SBNO1: variants seen among roughly 807,000 people sequenced by gnomAD.
The protein encoded by SBNO1 is protein strawberry notch homolog 1.
In SBNO1, 23 loss-of-function variants were observed where a neutral mutation model predicts 173.6. The ratio of observed to expected loss-of-function variants is 0.13; its 90% CI spans 0.10 to 0.19. The LOEUF is 0.19. Among genes scored for constraint, SBNO1 ranks in the 10% least tolerant of loss-of-function variants. SBNO1 has a pLI of 1.00. For missense variants in SBNO1, 1,238 were observed against 1,671.2 expected, an observed-to-expected ratio of 0.74 and a Z score of 4.52; for synonymous variants, 632 against 571.5, an observed-to-expected ratio of 1.11 and a Z score of -1.51.
chr12:123,298,102 A>G lies in SBNO1; in HGVS notation c.3915T>C (p.Tyr1305=), dbSNP rs756877421. The part of the protein sequence containing the change: ...CEIGLRCRTY[Y]VLCGSVLSVW... ...CACTCAGCACTGAACCACATAATAC[A>G]TAATATGTACGGCAACGAAGACCTA... Residue 1305 remains tyrosine, a synonymous_variant, in exon 31 of 32, where the codon TAT becomes TAC. Transcript: ENST00000602398. 6 of 1,611,860 alleles carry G rather than the reference A, an allele frequency of 3.7e-6. No homozygotes were observed. The highest frequency in any genetic ancestry group is 2.7e-5 in the African/African-American group (2 of 74,784).
intron 4 of SBNO1, among the ~76,000 whole-genome samples, chr12:123,344,155 C>T (rs190480640): frequency 1.3e-5 from 2 of 152,196 alleles, no homozygotes; most frequent in South Asian, 2.1e-4. Flanking sequence ...ATCCAAAGAC[C>T]GTAACGAGAA....
chr12:123,362,610 TA>T (rs1255462440), intron 1 of SBNO1, among the ~76,000 whole-genome samples: 4 of 143,260 alleles, frequency 2.8e-5, no homozygotes, highest in Admixed American at 7.0e-5. Context: ...GCCAACTACA[TA>T]AAAAAAAATT....
chr12:123,334,292 T>C, intron 6 of SBNO1, 79 bp from the exon 7 acceptor site: 1 of 876,314 alleles, frequency 1.1e-6, no homozygotes. Context: ...GATATTTCAA[T>C]GTTTTTCTTA....
chr12:123,326,029 G>T (rs969542531), intron 14 of SBNO1, 123 bp downstream of exon 14: 1 of 618,608 alleles, frequency 1.6e-6, no homozygotes, highest in East Asian at 2.8e-5. Context: ...TTTAAGAAAT[G>T]TATTTTTTAG....
intron 20 of SBNO1, among the ~76,000 whole-genome samples, chr12:123,318,562 T>C (rs1208404502): frequency 6.6e-6 from 1 of 150,460 alleles, no homozygotes; most frequent in Non-Finnish European, 1.5e-5. Context: ...GTGAAACCTG[T>C]CTCTATCAAA....
intron 7 of SBNO1, among the ~76,000 whole-genome samples, chr12:123,332,914 G>A (rs1410243631): frequency 6.6e-6 from 1 of 152,124 alleles, no homozygotes; most frequent in African/African-American, 2.4e-5. Flanking sequence ...CATGAGGTCA[G>A]GAGATCGAGA....
Position 123,334,211 on chromosome 12 carries a change from T to G in SBNO1, c.751A>C (p.Lys251Gln). 2.6e-6 allele frequency: 4 copies of G among 1,552,008 alleles called. No individual in the cohort carries two copies. Among genetic ancestry groups the G allele is most frequent in the Non-Finnish European group, 3.5e-6 (4 of 1,151,686 alleles). ...TYAEYMPIKL[K>Q]IGLRHPDAVV... ...GCATCTGGATGACGTAGGCCAATTT[T>G]TACTAAACAAAAATGTAAAAACATT... is the stretch of plus-strand genomic sequence containing the variant. Residue 251 changes from lysine to glutamine, a missense_variant and splice_region_variant, in exon 7 of 32, where the codon AAA becomes CAA. By Grantham distance (53) the Lys-to-Gln change is moderately conservative (BLOSUM62 1). Coordinates refer to ENST00000602398, the MANE Select transcript of SBNO1 (RefSeq NM_001167856.3).
Position 123,320,422 on chromosome 12 carries a change from G to C in SBNO1, c.2667+10C>G, listed in dbSNP as rs1310245527. On this transcript the variant is annotated intron_variant, in intron 19 of 31. Transcript: ENST00000602398. ...GCAAAAATGTCACCAAGAGATACAG[G>C]CCTATTTACCTCAGCAACGTTCTCA... The C allele has an allele frequency of 6.2e-7, 1 of 1,609,178 alleles. No homozygotes were observed. The highest frequency in any genetic ancestry group is 1.3e-5 in the African/African-American group (1 of 74,654).
intron 1 of SBNO1, among the ~76,000 whole-genome samples, chr12:123,358,659 C>T (rs1363816476): frequency 1.5e-5 from 2 of 131,922 alleles, no homozygotes; most frequent in East Asian, 2.5e-4. Context: ...AGGAGAATGG[C>T]GTGAACCCAG....
rs2048514087 is a variant in SBNO1, at chr12:123,291,679, T to A, written c.*4229A>T. On this transcript the variant is annotated 3_prime_UTR_variant, in exon 32 of 32. Coordinates refer to ENST00000602398, the MANE Select transcript of SBNO1 (RefSeq NM_001167856.3). ...AATGAAAAGTTTTCCATACTTTTCTTAAAAAAAAAAAAAAAAAAAAGTCAT... is the reference window on the plus strand; with the variant it reads ...AATGAAAAGTTTTCCATACTTTTCTAAAAAAAAAAAAAAAAAAAAAGTCAT... The A allele has an allele frequency of 5.1e-5, 6 of 118,620 alleles. No homozygotes were observed. Among genetic ancestry groups the A allele is most frequent in the Admixed American group, 1.7e-4 (2 of 11,540 alleles). The allele number at this position is 118,620 out of a possible 1,614,324, so 7.3% of individuals were successfully genotyped here. A position where few individuals can be genotyped will look rare whatever the true frequency, so the allele number is the denominator to read the frequency against.
rs752931905 is a variant in SBNO1 at position 123,320,515 on chromosome 12, G to C, written c.2584C>G (p.Leu862Val). The C allele has an allele frequency of 1.2e-6, 2 of 1,614,016 alleles. No homozygotes were observed. Among genetic ancestry groups the C allele is most frequent in the Non-Finnish European group, 1.7e-6 (2 of 1,179,972 alleles). Reference protein sequence around the residue: ...QQMKKDLLDKLEKLAEDLPPN... With the variant: ...QQMKKDLLDKVEKLAEDLPPN... ...GGGAGGTCTTCAGCTAATTTTTCTA[G>C]CTTATCAAGCAGGTCTTTCTTCATC... is the stretch of plus-strand genomic sequence containing the variant. The change falls in exon 19 of 32, where the codon CTA becomes GTA. Residue 862 changes from leucine to valine, a missense_variant. By Grantham distance (32) the Leu-to-Val change is conservative (BLOSUM62 1). This residue lies in a region of SBNO1 where 74 missense variants were observed against 68.5 expected (regional missense o/e 1.08). Transcript: ENST00000602398.
At chr12:123,312,801 T>G (rs932290219) in intron 24 of SBNO1, among the ~76,000 whole-genome samples, 1 of 152,010 alleles carries the variant, frequency 6.6e-6, no homozygotes, top group Non-Finnish European at 1.5e-5. Context: ...TAAACAACTG[T>G]GAATTCATGG....
At chr12:123,345,643 G>T in intron 3 of SBNO1, 73 bp from the exon 4 acceptor site, 2 of 1,266,216 alleles carry the variant, frequency 1.6e-6, no homozygotes, top group Middle Eastern at 1.9e-4. Context: ...CACAAACCTG[G>T]AAGGACAACT....
intron 1 of SBNO1, among the ~76,000 whole-genome samples, chr12:123,360,590 G>C (rs563968279): frequency 1.3e-5 from 2 of 151,870 alleles, no homozygotes; most frequent in South Asian, 4.2e-4. Flanking sequence ...GATTATAGGT[G>C]CGGATCACCA....
intron 24 of SBNO1, among the ~76,000 whole-genome samples, chr12:123,313,125 C>T (rs1868801956): frequency 1.3e-5 from 2 of 151,568 alleles, no homozygotes; most frequent in Admixed American, 1.3e-4. Flanking sequence ...ATGGCTTGAA[C>T]CTGTTGGCAG....
At chr12:123,331,724 G>A (rs1871233778) in intron 7 of SBNO1, among the ~76,000 whole-genome samples, 1 of 152,050 alleles carries the variant, frequency 6.6e-6, no homozygotes, top group African/African-American at 2.4e-5. Context: ...GTTTCACCAT[G>A]TTAGCCAGGA....
At chr12:123,361,950 C>A (rs950554202) in intron 1 of SBNO1, among the ~76,000 whole-genome samples, 1 of 149,616 alleles carries the variant, frequency 6.7e-6, no homozygotes, top group Non-Finnish European at 1.5e-5. Context: ...ACCAGCCTGG[C>A]CAATATGGTG....
intron 17 of SBNO1, among the ~76,000 whole-genome samples, chr12:123,321,311 A>G (rs994023683): frequency 1.3e-5 from 2 of 152,152 alleles, no homozygotes; most frequent in Non-Finnish European, 2.9e-5. Context: ...TGGGGTACAA[A>G]TCCATGTTTT....
chr12:123,307,485 C>A (rs1039639294), intron 28 of SBNO1, among the ~76,000 whole-genome samples: 1 of 152,216 alleles, frequency 6.6e-6, no homozygotes, highest in Non-Finnish European at 1.5e-5. Flanking sequence ...TCATTTATGA[C>A]TTCATCCTGC....
Sources: allele counts gnomAD v4.1 joint callset (sites outside exome capture counted in the v4.1 genomes callset), GRCh38; gene constraint gnomAD v4.1.1; regional missense constraint gnomAD v4.1.1; transcripts MANE v1.5; gene names NCBI Gene and HGNC (gene_info 2026-07-23, HGNC 2026-07-21).